PYGL: variants seen among roughly 807,000 people sequenced by gnomAD.
PYGL encodes the protein glycogen phosphorylase L, also known as glycogen phosphorylase, liver form.
Under a neutral mutation model 100.1 loss-of-function variants are expected in PYGL, and 90 were observed. That is an observed-to-expected ratio of 0.90 (90% CI 0.76 to 1.07). The LOEUF is 1.07. Ranked by LOEUF, PYGL falls within the 50% of genes least tolerant of loss-of-function variation. PYGL has a pLI of 0.00. For synonymous variants in PYGL, 373 were observed against 393.0 expected (o/e 0.95, Z 0.60); for missense variants, 1,016 against 1,057.6 (o/e 0.96, Z 0.55).
chr14:50,916,960 G>A lies in PYGL; in HGVS notation c.999+2C>T. ...AACTGCATCCACAGACTAAATACTT[G>A]CCTGATCCGGGAAGGCATCAAACAC... is the stretch of plus-strand genomic sequence containing the variant. On this transcript the variant is annotated splice_donor_variant, in intron 8 of 19. Coordinates refer to ENST00000216392, the MANE Select transcript of PYGL (RefSeq NM_002863.5). LOFTEE classifies it low-confidence loss of function (GC_TO_GT_DONOR). 1 of 1,614,096 alleles carries A rather than the reference G, an allele frequency of 6.2e-7. No homozygotes were observed. The highest frequency in any genetic ancestry group is 8.5e-7 in the Non-Finnish European group (1 of 1,179,950).
In PYGL at chr14:50,920,616, A is replaced by C. The variant is rs2050491430; in HGVS notation, c.780T>G (p.Val260=). The C allele has an allele frequency of 6.2e-7, 1 of 1,610,110 alleles. No individual in the cohort carries two copies. Among genetic ancestry groups the C allele is most frequent in the Non-Finnish European group, 8.5e-7 (1 of 1,176,344 alleles). ...CCAGCACAGCCTGAATGTAGTCTCC[A>C]ACATTAACTAGGGGAAAGTTAGAGA... is the stretch of plus-strand genomic sequence containing the variant. ...PNDFNLRDFN[V]GDYIQAVLDR... is the part of the protein sequence containing the mutation. The change falls in exon 7 of 20, where the codon GTT becomes GTG. Residue 260 remains valine, a synonymous_variant. Transcript: ENST00000216392.
At chr14:50,938,534 G>A (rs1566514733) in intron 1 of PYGL, among the ~76,000 whole-genome samples, 1 of 152,084 alleles carries the variant, frequency 6.6e-6, no homozygotes, top group Admixed American at 6.6e-5. Flanking sequence ...TAATAAACTT[G>A]CTTTCACTTT....
intron 19 of PYGL, 94 bp from the exon 20 acceptor site, chr14:50,905,650 A>C: frequency 1.6e-6 from 2 of 1,218,706 alleles, no homozygotes; most frequent in Non-Finnish European, 2.4e-6. Flanking sequence ...ACATTTCATG[A>C]GGGAAAATGA....
chr14:50,915,283 C>A (rs1019981333), intron 11 of PYGL, 53 bp downstream of exon 11: 9 of 1,591,802 alleles, frequency 5.7e-6, no homozygotes, highest in Admixed American at 3.3e-5. Flanking sequence ...TTAGTAGCAT[C>A]ATTCCATTAA....
In PYGL at chr14:50,923,579, C is replaced by G. The variant is rs8019957; in HGVS notation, c.660+390G>C. The stretch of plus-strand genomic sequence containing the variant: ...CTGGGATTACAGTTGTGAGCCACTG[C>G]ACCCAGCCAGGAATGACATTTCAAA... On this transcript the variant is annotated intron_variant, in intron 5 of 19. Transcript: ENST00000216392. 4 of 198,374 alleles carry G rather than the reference C, an allele frequency of 2.0e-5. No homozygotes were observed. The Admixed American group carries it at 2.2e-4, about 11-fold the overall frequency. The allele number at this position is 198,374 out of a possible 1,614,324, so 12.3% of individuals were successfully genotyped here.
chr14:50,906,930 C>A (rs1400362708), intron 19 of PYGL, among the ~76,000 whole-genome samples: 1 of 152,168 alleles, frequency 6.6e-6, no homozygotes, highest in African/African-American at 2.4e-5. Flanking sequence ...CCCAGTGGGA[C>A]ATTTAGGATG....
At chr14:50,910,678 T>C (rs2050386534) in intron 16 of PYGL, among the ~76,000 whole-genome samples, 1 of 152,184 alleles carries the variant, frequency 6.6e-6, no homozygotes, top group African/African-American at 2.4e-5. Flanking sequence ...GCTGAACTTC[T>C]CTCTCTTGAT....
chr14:50,905,652 G>C, intron 19 of PYGL, 96 bp from the exon 20 acceptor site: 1 of 1,202,294 alleles, frequency 8.3e-7, no homozygotes, highest in Non-Finnish European at 1.2e-6. Context: ...ATTTCATGAG[G>C]GAAAATGACA....
intron 2 of PYGL, among the ~76,000 whole-genome samples, chr14:50,936,008 G>A (rs1297091387): frequency 6.6e-6 from 1 of 152,196 alleles, no homozygotes; most frequent in Non-Finnish European, 1.5e-5. Context: ...AAGTGCTGGG[G>A]ATCACACAGC....
chr14:50,944,292 A>G lies in PYGL; in HGVS notation c.112T>C (p.Phe38Leu). Reference protein sequence around the residue: ...LKKSFNRHLHFTLVKDRNVAT... With the variant: ...LKKSFNRHLHLTLVKDRNVAT... ...ACGTTGCGGTCCTTGACCAGCGTGA[A>G]GTGCAGGTGCCGGTTGAAACTCTTC... Residue 38 changes from phenylalanine to leucine, a missense_variant, in exon 1 of 20, where the codon TTC becomes CTC. By Grantham distance (22) the Phe-to-Leu change is conservative. Coordinates refer to ENST00000216392, the MANE Select transcript of PYGL (RefSeq NM_002863.5). The G allele has an allele frequency of 6.2e-7, 1 of 1,614,014 alleles. No individual in the cohort carries two copies. Among genetic ancestry groups the G allele is most frequent in the Non-Finnish European group, 8.5e-7 (1 of 1,179,904 alleles).
chr14:50,941,808 G>T (rs532083207), intron 1 of PYGL, among the ~76,000 whole-genome samples: 7 of 152,256 alleles, frequency 4.6e-5, no homozygotes, highest in Admixed American at 4.6e-4. Flanking sequence ...AACCCGAGAG[G>T]CAGAGGTTGC....
chr14:50,915,072 T>A, intron 11 of PYGL: 1 of 618,840 alleles, frequency 1.6e-6, no homozygotes, highest in Non-Finnish European at 2.8e-6. Flanking sequence ...TACTACACTT[T>A]CAGTAGAATA....
chr14:50,928,648 G>C (rs574330433), intron 4 of PYGL, among the ~76,000 whole-genome samples: 1 of 138,688 alleles, frequency 7.2e-6, no homozygotes, highest in African/African-American at 2.6e-5. Context: ...ACAATTTCAG[G>C]GGGTGCACGA....
intron 17 of PYGL, 51 bp downstream of exon 17, chr14:50,909,844 T>C: frequency 6.2e-7 from 1 of 1,600,446 alleles, no homozygotes; most frequent in Non-Finnish European, 8.6e-7. Flanking sequence ...GTCACATACC[T>C]TCTAGGGGGG....
Position 50,921,003 on chromosome 14 carries a change from A to T in PYGL, c.725T>A (p.Met242Lys). The T allele has an allele frequency of 6.2e-7, 1 of 1,614,204 alleles. No homozygotes were observed. Among genetic ancestry groups the T allele is most frequent in the Non-Finnish European group, 8.5e-7 (1 of 1,180,026 alleles). Residue 242 changes from methionine to lysine, a missense_variant, in exon 6 of 20, where the codon ATG becomes AAG. Transcript: ENST00000216392. ...PGYMNNTVNT[M>K]RLWSARAPND... Reference sequence around the variant, plus strand: ...TGGTGCCCGAGCAGACCAGAGGCGCATGGTGTTGACAGTGTTATTCATGTA... The same window carrying T: ...TGGTGCCCGAGCAGACCAGAGGCGCTTGGTGTTGACAGTGTTATTCATGTA...
intron 13 of PYGL, 24 bp from the exon 14 acceptor site, chr14:50,912,327 A>G (rs1566501392): frequency 2.5e-6 from 4 of 1,612,304 alleles, no homozygotes; most frequent in Non-Finnish European, 3.4e-6. Flanking sequence ...GCATGGTGCC[A>G]GAGCTCTTTT....
chr14:50,918,994 G>A (rs930092785), intron 7 of PYGL, among the ~76,000 whole-genome samples: 2 of 152,138 alleles, frequency 1.3e-5, no homozygotes, highest in Non-Finnish European at 2.9e-5. Context: ...ATTTGTTATT[G>A]TAATTACAGT....
Position 50,917,117 on chromosome 14 carries a change from A to G in PYGL, c.856-12T>C, listed in dbSNP as rs2050460768. ...TTCCCTTCAAAAAACTTCAAGCCAGAGAGATAGAATAAAAATGGTTCATAT... is the reference window on the plus strand; with the variant it reads ...TTCCCTTCAAAAAACTTCAAGCCAGGGAGATAGAATAAAAATGGTTCATAT... On this transcript the variant is annotated splice_polypyrimidine_tract_variant and intron_variant, in intron 7 of 19. Coordinates refer to ENST00000216392, the MANE Select transcript of PYGL (RefSeq NM_002863.5). The G allele has an allele frequency of 1.2e-6, 2 of 1,612,954 alleles. No homozygotes were observed. The highest frequency in any genetic ancestry group is 4.5e-5 in the East Asian group (2 of 44,884).
At chr14:50,937,907 T>G in intron 1 of PYGL, 70 bp from the exon 2 acceptor site, 2 of 1,337,728 alleles carry the variant, frequency 1.5e-6, no homozygotes, top group Non-Finnish European at 2.1e-6. Flanking sequence ...AAACACAAGG[T>G]CATGTGTTAG....
Sources: gnomAD v4.1 joint callset for allele counts (sites outside exome capture counted in the v4.1 genomes callset) on GRCh38, gnomAD v4.1.1 for gene constraint, MANE v1.5 for transcripts, NCBI Gene and HGNC (gene_info 2026-07-23, HGNC 2026-07-21) for gene names.